SFMBT2: variants seen among roughly 807,000 people sequenced by gnomAD.
SFMBT2 encodes the protein scm-like with four MBT domains protein 2.
Under a neutral mutation model 110.1 loss-of-function variants are expected in SFMBT2, and 38 were observed. The observed-to-expected ratio is 0.35, with a 90% CI of 0.27 to 0.45. The LOEUF (loss-of-function observed/expected upper bound fraction) is 0.45, where lower values mean the gene tolerates loss of function less well. Among genes scored for constraint, SFMBT2 ranks in the 20% least tolerant of loss-of-function variants. The probability of loss-of-function intolerance (pLI) is 1.00; values close to 1 mark genes in which losing one functional copy is unlikely to be tolerated. For synonymous variants in SFMBT2, 425 were observed against 425.4 expected, an observed-to-expected ratio of 1.00 and a Z score of 0.01; for missense variants, 1,011 against 1,094.9, an observed-to-expected ratio of 0.92 and a Z score of 1.08.
intron 7 of SFMBT2, among the ~76,000 whole-genome samples, chr10:7,259,373 C>G (rs1383401465): frequency 6.6e-6 from 1 of 152,204 alleles, no homozygotes; most frequent in Non-Finnish European, 1.5e-5. Flanking sequence ...TCCTCACACC[C>G]CAGCTGCCCT....
chr10:7,197,744 A>T, intron 14 of SFMBT2, 57 bp from the exon 15 acceptor site: 1 of 1,572,170 alleles, frequency 6.4e-7, no homozygotes, highest in South Asian at 1.2e-5. Flanking sequence ...ACCCTAGGGG[A>T]CCCCTAGACC....
chr10:7,277,834 T>C (rs1841832158), intron 6 of SFMBT2, among the ~76,000 whole-genome samples: 1 of 152,198 alleles, frequency 6.6e-6, no homozygotes, highest in Non-Finnish European at 1.5e-5. Flanking sequence ...GAATATGAAA[T>C]TAAGCACAGT....
At chr10:7,209,461 A>G (rs1367266798) in intron 11 of SFMBT2, among the ~76,000 whole-genome samples, 7 of 152,248 alleles carry the variant, frequency 4.6e-5, no homozygotes, top group Non-Finnish European at 1.0e-4. Flanking sequence ...AAAAACCATG[A>G]GGAAGCTTAA....
chr10:7,360,139 C>T (rs930136838), intron 4 of SFMBT2, among the ~76,000 whole-genome samples: 9 of 152,138 alleles, frequency 5.9e-5, no homozygotes, highest in African/African-American at 1.4e-4. Flanking sequence ...GAATGAAATT[C>T]GTGATTCATT....
In SFMBT2 at chr10:7,319,360, C is replaced by A. The variant is rs1268558270; in HGVS notation, c.437-33406G>T. On this transcript the variant is annotated intron_variant, in intron 4 of 20. Transcript: ENST00000397167. Reference sequence around the variant, plus strand: ...GGAGAAAGAAATCCAAAGTTTAAAACTGAATACTGTCACAGAGCTGCAAAC... The same window carrying A: ...GGAGAAAGAAATCCAAAGTTTAAAAATGAATACTGTCACAGAGCTGCAAAC... 1.3e-5 allele frequency among the ~76,000 whole-genome samples: 2 copies of A among 152,148 alleles called. 1 individual carries two copies. Among genetic ancestry groups the A allele is most frequent in the South Asian group, 4.1e-4 (2 of 4,832 alleles).
At position 7,172,809 on chromosome 10, in the gene SFMBT2, G is replaced by T. The variant is rs753763523; in HGVS notation, c.1985-148C>A. 9.9e-6 allele frequency: 10 copies of T among 1,013,864 alleles called. No individual in the cohort carries two copies. The highest frequency in any genetic ancestry group is 5.7e-6 in the Non-Finnish European group (4 of 705,754). 62.8% of individuals were successfully genotyped at this position (1,013,864 alleles called of 1,614,324 possible). Reference sequence around the variant, plus strand: ...TCATTCTGAGAAAACAGACCCACAGGAGAAGCACTGCTCCAAAGCTTCAGG... The same window carrying T: ...TCATTCTGAGAAAACAGACCCACAGTAGAAGCACTGCTCCAAAGCTTCAGG... On this transcript the variant is annotated intron_variant, in intron 17 of 20. Transcript: ENST00000397167. This position sits in a 1 kb window ranked among gnomAD's most constrained non-coding sequence, Gnocchi z 4.6.
At chr10:7,275,384 G>A (rs1337302991) in intron 7 of SFMBT2, among the ~76,000 whole-genome samples, 3 of 152,212 alleles carry the variant, frequency 2.0e-5, no homozygotes. Flanking sequence ...GCTGGCTCTG[G>A]TGGGGGTGGC....
chr10:7,379,565 C>A (rs1344860214), intron 2 of SFMBT2, among the ~76,000 whole-genome samples: 1 of 152,116 alleles, frequency 6.6e-6, no homozygotes, highest in East Asian at 1.9e-4. Context: ...GAGTCTGTAT[C>A]GTCATCTAAA....
At chr10:7,381,694 G>T in intron 2 of SFMBT2, 105 bp downstream of exon 2, 1 of 1,230,424 alleles carries the variant, frequency 8.1e-7, no homozygotes, top group Non-Finnish European at 1.1e-6. Context: ...GAACCAGACA[G>T]TATGTGAGAT....
chr10:7,205,379 C>T (rs368554075), intron 12 of SFMBT2: 1 of 983,166 alleles, frequency 1.0e-6, no homozygotes. Context: ...GAATGAGGCA[C>T]TGTGCCTAGC....
chr10:7,167,785 A>G (rs1837735217), intron 20 of SFMBT2, among the ~76,000 whole-genome samples: 1 of 152,216 alleles, frequency 6.6e-6, no homozygotes, highest in African/African-American at 2.4e-5. Flanking sequence ...ATGTGAAATT[A>G]CACAGGAATG....
chr10:7,180,963 G>C (rs971723387), intron 16 of SFMBT2, among the ~76,000 whole-genome samples: 2 of 152,140 alleles, frequency 1.3e-5, no homozygotes, highest in African/African-American at 4.8e-5. Context: ...GCACAGAAAA[G>C]GGTGAACACA....
intron 9 of SFMBT2, among the ~76,000 whole-genome samples, chr10:7,239,693 T>G (rs1840372526): frequency 6.6e-6 from 1 of 152,212 alleles, no homozygotes; most frequent in Non-Finnish European, 1.5e-5. Context: ...CTGACTGCTT[T>G]GATATATTGA....
At chr10:7,256,985 C>G (rs2692773) in intron 7 of SFMBT2, among the ~76,000 whole-genome samples, 135,142 of 151,796 alleles carry the variant, frequency 0.89, 60,261 homozygotes, top group East Asian at 0.92. Flanking sequence ...CCAGCTACTG[C>G]GGAGGCTGAG....
At chr10:7,266,722 C>CTGGCGTGA (rs1469388841) in intron 7 of SFMBT2, among the ~76,000 whole-genome samples, 1 of 152,192 alleles carries the variant, frequency 6.6e-6, no homozygotes, top group Non-Finnish European at 1.5e-5. Flanking sequence ...GAAACAAGCT[C>CTGGCGTGA]TGGCGTGATG....
At chr10:7,313,267 T>C (rs936946530) in intron 4 of SFMBT2, among the ~76,000 whole-genome samples, 1 of 151,978 alleles carries the variant, frequency 6.6e-6, no homozygotes, top group Non-Finnish European at 1.5e-5. Flanking sequence ...TACAACGCAA[T>C]TGCACTGTGT....
intron 1 of SFMBT2, among the ~76,000 whole-genome samples, 80 bp downstream of exon 1, chr10:7,410,781 A>T (rs2245569): frequency 2.9e-5 from 4 of 139,126 alleles, no homozygotes; most frequent in African/African-American, 1.0e-4. Flanking sequence ...GCCCCTGACC[A>T]GCGCACTCAA....
chr10:7,404,371 T>C (rs1442222633), intron 1 of SFMBT2, among the ~76,000 whole-genome samples: 1 of 152,206 alleles, frequency 6.6e-6, no homozygotes, highest in Admixed American at 6.5e-5. Context: ...AGAAAACAAC[T>C]TGCCAAGTTT....
At position 7,202,998 on chromosome 10, in the gene SFMBT2, T is replaced by C. The variant is rs1035274273; in HGVS notation, c.1445-476A>G. ...AAAAGGAGAACCAGTAGCTCGCAAATACGCCTGGTCAAATATTGACATAAA... is the reference window on the plus strand; with the variant it reads ...AAAAGGAGAACCAGTAGCTCGCAAACACGCCTGGTCAAATATTGACATAAA... On this transcript the variant is annotated intron_variant, in intron 12 of 20. Transcript: ENST00000397167. 5 of 985,322 alleles carry C rather than the reference T, an allele frequency of 5.1e-6. No individual in the cohort carries two copies. The African/African-American group carries it at 7.0e-5, about 14-fold the overall frequency. The allele number at this position is 985,322 out of a possible 1,614,324, so 61.0% of individuals were successfully genotyped here. A position where few individuals can be genotyped will look rare whatever the true frequency, so the allele number is the denominator to read the frequency against.
Sources: allele counts gnomAD v4.1 joint callset (sites outside exome capture counted in the v4.1 genomes callset), GRCh38; gene constraint gnomAD v4.1.1; non-coding constraint Gnocchi (gnomAD v3.1); transcripts MANE v1.5; gene names NCBI Gene and HGNC (gene_info 2026-07-23, HGNC 2026-07-21).